The following FRMD6 variants were observed in gnomAD, a reference collection of about 807,000 sequenced individuals.
The protein encoded by FRMD6 is FERM domain containing 6.
Under a neutral mutation model 73.2 loss-of-function variants are expected in FRMD6, and 37 were observed. The observed-to-expected ratio is 0.51, with a 90% CI of 0.39 to 0.66. The LOEUF is 0.66. Ranked by LOEUF, FRMD6 falls within the 30% of genes least tolerant of loss-of-function variation. The pLI, the probability that FRMD6 is intolerant of heterozygous loss-of-function variation, is 0.00. For missense variants in FRMD6, 714 were observed against 780.5 expected, an observed-to-expected ratio of 0.91 and a Z score of 1.02; for synonymous variants, 273 against 282.2, an observed-to-expected ratio of 0.97 and a Z score of 0.33.
At chr14:51,654,462 G>A (rs918133304) in intron 1 of FRMD6, among the ~76,000 whole-genome samples, 1 of 152,136 alleles carries the variant, frequency 6.6e-6, no homozygotes, top group Non-Finnish European at 1.5e-5. Context: ...TTTTGACTGA[G>A]CTGTCAGGTT....
chr14:51,708,043 A>G (rs768025504), intron 6 of FRMD6, 35 bp from the exon 7 acceptor site: 1 of 1,607,210 alleles, frequency 6.2e-7, no homozygotes, highest in Admixed American at 1.7e-5. Flanking sequence ...TCTCTCCAAC[A>G]AATGTTGCAT....
At chr14:51,618,940 G>A (rs1005855609) in intron 2 of FRMD6, among the ~76,000 whole-genome samples, 2 of 149,524 alleles carry the variant, frequency 1.3e-5, no homozygotes, top group Non-Finnish European at 1.5e-5. Flanking sequence ...TATTATATAT[G>A]TAATAATAAA....
At chr14:51,422,047 C>T in the FRMD6 span, among the ~76,000 whole-genome samples, 1 of 152,216 alleles carries the variant, frequency 6.6e-6, no homozygotes, top group African/African-American at 2.4e-5. Context: ...TTCCCTGAGG[C>T]TCACTTCCCT....
chr14:51,457,384 A>G, the FRMD6 span, among the ~76,000 whole-genome samples: 1 of 152,200 alleles, frequency 6.6e-6, no homozygotes, highest in Admixed American at 6.5e-5. Context: ...AAGAAAAACG[A>G]ACCAATGACA....
At chr14:51,632,266 A>G (rs1355709305) in intron 2 of FRMD6, among the ~76,000 whole-genome samples, 2 of 152,196 alleles carry the variant, frequency 1.3e-5, no homozygotes, top group African/African-American at 4.8e-5. Context: ...TTTATAAATT[A>G]CCCAGTCTTG....
At chr14:51,602,056 G>A (rs1890059394) in intron 2 of FRMD6, among the ~76,000 whole-genome samples, 1 of 103,296 alleles carries the variant, frequency 9.7e-6, no homozygotes, top group Non-Finnish European at 2.1e-5. Flanking sequence ...CATTCCGTTA[G>A]CCTCACTGGT....
the FRMD6 span, chr14:51,436,630 TAG>T: frequency 1.7e-5 from 9 of 544,932 alleles, no homozygotes; most frequent in Non-Finnish European, 3.0e-5. Context: ...CATGCGGAAC[TAG>T]AGAGTTTTTT....
chr14:51,499,598 C>T (rs1883487555), intron 1 of FRMD6, among the ~76,000 whole-genome samples: 1 of 152,158 alleles, frequency 6.6e-6, no homozygotes, highest in East Asian at 1.9e-4. Flanking sequence ...CCCAGGCAGC[C>T]CAGCTCCGAG....
the FRMD6 span, among the ~76,000 whole-genome samples, chr14:51,439,050 G>T: frequency 6.6e-6 from 1 of 152,212 alleles, no homozygotes; most frequent in African/African-American, 2.4e-5. Flanking sequence ...GAAGCGTAAT[G>T]CGGAAGCTTT....
At chr14:51,558,349 T>G (rs1887269721) in intron 1 of FRMD6, among the ~76,000 whole-genome samples, 2 of 151,908 alleles carry the variant, frequency 1.3e-5, no homozygotes, top group African/African-American at 4.8e-5. Flanking sequence ...AAGCCTGTAA[T>G]CCTAGCTACT....
At chr14:51,503,917 T>C (rs954098868) in intron 1 of FRMD6, among the ~76,000 whole-genome samples, 2 of 152,082 alleles carry the variant, frequency 1.3e-5, no homozygotes, top group Admixed American at 6.6e-5. Flanking sequence ...GAAATCATTA[T>C]TGGTCTATTC....
chr14:51,534,504 T>C (rs149061717), intron 1 of FRMD6, among the ~76,000 whole-genome samples: 1 of 152,350 alleles, frequency 6.6e-6, no homozygotes, highest in African/African-American at 2.4e-5. Flanking sequence ...TCTTTCTACC[T>C]TTCCTATTTT....
chr14:51,714,837 G>A (rs1897156125), intron 9 of FRMD6: 1 of 152,174 alleles, frequency 6.6e-6, no homozygotes, highest in South Asian at 2.1e-4. Context: ...CATGAGGGTA[G>A]GAACCTTGTC....
At chr14:51,616,139 C>T (rs1382434806) in intron 2 of FRMD6, among the ~76,000 whole-genome samples, 2 of 152,084 alleles carry the variant, frequency 1.3e-5, no homozygotes, top group Admixed American at 1.3e-4. Flanking sequence ...TAGAAAGGCG[C>T]ATGAGAGGAT....
chr14:51,618,061 T>A (rs2139904892), intron 2 of FRMD6, among the ~76,000 whole-genome samples: 1 of 152,312 alleles, frequency 6.6e-6, no homozygotes, highest in Non-Finnish European at 1.5e-5. Context: ...ATATATGGAA[T>A]TATATATCAT....
intron 2 of FRMD6, among the ~76,000 whole-genome samples, chr14:51,579,572 T>A (rs1305449122): frequency 6.6e-6 from 1 of 152,214 alleles, no homozygotes; most frequent in Non-Finnish European, 1.5e-5. Flanking sequence ...TCTGTCTTGT[T>A]CTTTGTTGAA....
the FRMD6 span, among the ~76,000 whole-genome samples, chr14:51,447,009 T>C: frequency 1.3e-5 from 2 of 152,292 alleles, no homozygotes; most frequent in African/African-American, 4.8e-5. Context: ...GAGGAAGTAC[T>C]GAATGACCTC....
At chr14:51,670,412 C>T (rs747269346) in intron 1 of FRMD6, among the ~76,000 whole-genome samples, 7 of 152,144 alleles carry the variant, frequency 4.6e-5, no homozygotes, top group Non-Finnish European at 8.8e-5. Context: ...AAATAGTGTA[C>T]AGAGTCTCCC....
Position 51,708,214 on chromosome 14 carries a change from A to T in FRMD6, c.695A>T (p.His232Leu). 6.2e-7 allele frequency: 1 copy of T among 1,613,038 alleles called. No homozygotes were observed. The highest frequency in any genetic ancestry group is 8.5e-7 in the Non-Finnish European group (1 of 1,179,330). The part of the protein sequence containing the change: ...EAVRLDDVAV[H>L]YYRLYKDKRE... The stretch of plus-strand genomic sequence containing the variant: ...GTCCGACTGGATGACGTCGCTGTTC[A>T]TTACTACAGATTGTATAAGGTATGA... Residue 232 changes from histidine to leucine, a missense_variant, in exon 7 of 14, where the codon CAT becomes CTT. Transcript: ENST00000344768.
Sources: allele counts gnomAD v4.1 joint callset (sites outside exome capture counted in the v4.1 genomes callset), GRCh38; gene constraint gnomAD v4.1.1; transcripts MANE v1.5; gene names NCBI Gene and HGNC (gene_info 2026-07-23, HGNC 2026-07-21).